Variants in DENND4A observed in about 807,000 individuals in gnomAD.
The protein encoded by DENND4A is DENN domain containing 4A.
DENND4A carries 70 observed loss-of-function variants against 199.3 expected under a neutral mutation model. The observed-to-expected ratio is 0.35, with a 90% CI of 0.29 to 0.43. The LOEUF is 0.43. Among genes scored for constraint, DENND4A ranks in the 20% least tolerant of loss-of-function variants. The pLI is 1.00. For synonymous variants in DENND4A, 686 were observed against 766.9 expected (o/e 0.89, Z 1.74); for missense variants, 1,723 against 2,255.8 (o/e 0.76, Z 4.78).
At chr15:65,791,252 C>T (rs1437548048) in intron 1 of DENND4A, among the ~76,000 whole-genome samples, 2 of 152,156 alleles carry the variant, frequency 1.3e-5, no homozygotes, top group Non-Finnish European at 2.9e-5. Context: ...CTAGGCGTAA[C>T]CATACGTTTG....
Position 65,691,205 on chromosome 15 carries a change from G to GA in DENND4A, c.3388_3389insT (p.Pro1130LeufsTer14). The GA allele has an allele frequency of 1.2e-6, 2 of 1,613,366 alleles. No homozygotes were observed. The highest frequency in any genetic ancestry group is 1.7e-6 in the Non-Finnish European group (2 of 1,179,658). On this transcript the variant is annotated frameshift_variant, in exon 23 of 33. Coordinates refer to ENST00000443035, the MANE Select transcript of DENND4A (RefSeq NM_001320835.1). LOFTEE classifies it high-confidence loss of function. ...TAGACTGTCTCTTTTTGATCTTAAAGGTGGCTTCCCAATATCAAGAGTATT... is the reference window on the plus strand; with the variant it reads ...TAGACTGTCTCTTTTTGATCTTAAAGAGTGGCTTCCCAATATCAAGAGTATT...
chr15:65,720,413 A>ATTT (rs200076757), intron 12 of DENND4A, among the ~76,000 whole-genome samples: 2 of 141,254 alleles, frequency 1.4e-5, no homozygotes, highest in Non-Finnish European at 3.1e-5. Context: ...AAAGCCTAGG[A>ATTT]TTTTTTTTTT....
intron 12 of DENND4A, among the ~76,000 whole-genome samples, chr15:65,721,554 G>A (rs2075645413): frequency 1.4e-5 from 2 of 148,044 alleles, no homozygotes; most frequent in South Asian, 2.1e-4. Flanking sequence ...AAAGCATTGC[G>A]AGGCATTTGG....
chr15:65,688,075 GTTTAT>G (rs1945163220), intron 23 of DENND4A, among the ~76,000 whole-genome samples: 1 of 151,948 alleles, frequency 6.6e-6, no homozygotes, highest in South Asian at 2.1e-4. Context: ...CCCTGAGGCT[GTTTAT>G]TTTTATAAAA....
chr15:65,702,779 T>TC (rs1238082022), intron 16 of DENND4A, 94 bp downstream of exon 16: 2 of 1,198,552 alleles, frequency 1.7e-6, no homozygotes, highest in African/African-American at 1.5e-5. Context: ...TAGTAATAGT[T>TC]ATATATGAAG....
rs372995217 is a variant in DENND4A at position 65,690,830 on chromosome 15, T to C, written c.3764A>G (p.Tyr1255Cys). Reference protein sequence around the residue: ...RRDLAEEIVMYMNNMSSPLTS... With the variant: ...RRDLAEEIVMCMNNMSSPLTS... ...CAAAGGACTGCTCATGTTATTCATA[T>C]ACATCACAATTTCTTCAGCTAAATC... The change falls in exon 23 of 33, where the codon TAT becomes TGT. Residue 1255 changes from tyrosine to cysteine, a missense_variant. Transcript: ENST00000443035. 1.9e-5 allele frequency: 30 copies of C among 1,613,168 alleles called. No individual in the cohort carries two copies. Among genetic ancestry groups the C allele is most frequent in the Non-Finnish European group, 2.4e-5 (28 of 1,179,716 alleles).
chr15:65,735,422 T>A (rs2076086471), intron 7 of DENND4A, among the ~76,000 whole-genome samples: 1 of 152,142 alleles, frequency 6.6e-6, no homozygotes, highest in Non-Finnish European at 1.5e-5. Flanking sequence ...CAAAAAATTA[T>A]ATGATGTCAT....
At chr15:65,728,280 G>C (rs2075865116) in intron 11 of DENND4A, among the ~76,000 whole-genome samples, 1 of 151,920 alleles carries the variant, frequency 6.6e-6, no homozygotes, top group South Asian at 2.1e-4. Flanking sequence ...TGGGATTATA[G>C]GCGTCAGCCA....
At chr15:65,771,791 C>T (rs2140887341) in intron 1 of DENND4A, 1 of 1,613,674 alleles carries the variant, frequency 6.2e-7, no homozygotes, top group East Asian at 2.2e-5. Context: ...CATGCTTGTT[C>T]TTCATTGCCC....
intron 7 of DENND4A, among the ~76,000 whole-genome samples, chr15:65,735,838 C>A (rs553597490): frequency 2.4e-4 from 36 of 152,120 alleles, no homozygotes; most frequent in African/African-American, 8.2e-4. Context: ...CACCTGTAAT[C>A]CCCAGCACTC....
At chr15:65,742,937 T>C (rs982336134) in intron 4 of DENND4A, among the ~76,000 whole-genome samples, 1 of 152,112 alleles carries the variant, frequency 6.6e-6, no homozygotes, top group African/African-American at 2.4e-5. Flanking sequence ...GAAATAAGGG[T>C]AAAATAGTTT....
intron 11 of DENND4A, among the ~76,000 whole-genome samples, chr15:65,723,584 T>C (rs1229772600): frequency 6.6e-6 from 1 of 152,122 alleles, no homozygotes; most frequent in Admixed American, 6.5e-5. Flanking sequence ...CCCTTATCTG[T>C]AGAGGATACA....
intron 29 of DENND4A, 37 bp downstream of exon 29, chr15:65,667,412 A>G (rs143912286): frequency 7.5e-6 from 12 of 1,596,334 alleles, no homozygotes; most frequent in East Asian, 2.2e-5. Flanking sequence ...CAATGGTAAC[A>G]GAAGCATTCA....
chr15:65,697,999 C>G (rs1366404943), intron 20 of DENND4A, among the ~76,000 whole-genome samples: 1 of 152,064 alleles, frequency 6.6e-6, no homozygotes, highest in Non-Finnish European at 1.5e-5. Flanking sequence ...TGCCTATAAT[C>G]CCAGCATTTT....
chr15:65,747,065 C>T (rs989752122), intron 4 of DENND4A, among the ~76,000 whole-genome samples: 1 of 150,750 alleles, frequency 6.6e-6, no homozygotes. Flanking sequence ...GAGATCGCAC[C>T]ACTACACTCC....
intron 1 of DENND4A, chr15:65,771,561 T>C: frequency 6.2e-7 from 1 of 1,612,590 alleles, no homozygotes; most frequent in South Asian, 1.1e-5. Context: ...ATCAGCTGGA[T>C]AAACACAGAA....
intron 14 of DENND4A, among the ~76,000 whole-genome samples, chr15:65,708,994 G>A (rs919989442): frequency 2.6e-5 from 4 of 152,202 alleles, no homozygotes; most frequent in Admixed American, 6.5e-5. Flanking sequence ...GATATGCTAA[G>A]ATCAAAAGAG....
chr15:65,780,824 T>C (rs556375241), intron 1 of DENND4A, among the ~76,000 whole-genome samples: 1 of 152,304 alleles, frequency 6.6e-6, no homozygotes, highest in Admixed American at 6.5e-5. Context: ...GTTAACACAG[T>C]CAAACAGCAA....
At chr15:65,686,071 T>C (rs2076769091) in intron 23 of DENND4A, among the ~76,000 whole-genome samples, 1 of 152,234 alleles carries the variant, frequency 6.6e-6, no homozygotes, top group East Asian at 1.9e-4. Flanking sequence ...CTGCTAGAAT[T>C]TTGATAGGTG....
Sources: allele counts gnomAD v4.1 joint callset (sites outside exome capture counted in the v4.1 genomes callset), GRCh38; gene constraint gnomAD v4.1.1; transcripts MANE v1.5; gene names NCBI Gene and HGNC (gene_info 2026-07-23, HGNC 2026-07-21).